The following MYL1 variants were observed in gnomAD, a reference collection of about 807,000 sequenced individuals.
MYL1 encodes the protein myosin light chain 1/3, skeletal muscle isoform.
Under a neutral mutation model 21.8 loss-of-function variants are expected in MYL1, and 16 were observed. The observed-to-expected ratio is 0.74, with a 90% CI of 0.50 to 1.12. The LOEUF is 1.12. Ranked by LOEUF, MYL1 falls within the 50% of genes most tolerant of loss-of-function variation. The pLI, the probability that MYL1 is intolerant of heterozygous loss-of-function variation, is 0.00. For synonymous variants in MYL1, 99 were observed against 85.2 expected (o/e 1.16, Z -0.89); for missense variants, 246 against 241.0 (o/e 1.02, Z -0.14).
intron 1 of MYL1, among the ~76,000 whole-genome samples, chr2:210,305,823 G>A (rs548323449): frequency 6.6e-6 from 1 of 152,068 alleles, no homozygotes; most frequent in Admixed American, 6.6e-5. Context: ...CACTTTGGGA[G>A]GCCGAGGCGG....
intron 1 of MYL1, chr2:210,303,586 G>GT: frequency 6.2e-7 from 1 of 1,609,520 alleles, no homozygotes. Flanking sequence ...AAGCTGAAGA[G>GT]TGAGTTGAGG....
intron 1 of MYL1, chr2:210,303,546 A>G: frequency 6.2e-7 from 1 of 1,611,370 alleles, no homozygotes; most frequent in South Asian, 1.1e-5. Context: ...ACCCACCATG[A>G]TGGAGCGGCT....
chr2:210,298,601 C>T lies in MYL1; in HGVS notation c.161-38G>A. 1.9e-6 allele frequency: 3 copies of T among 1,610,898 alleles called. No homozygotes were observed. In the South Asian group the frequency reaches 3.3e-5, roughly 18 times the overall value. On this transcript the variant is annotated intron_variant, in intron 2 of 6. Transcript: ENST00000352451. The stretch of plus-strand genomic sequence containing the variant: ...AGAAGCATTAGAGTGCTCTTTTCTT[C>T]CTCTAACCTATTAATTAAACCTAAC...
In MYL1 at chr2:210,298,162, C is replaced by T. The variant is rs115307567; in HGVS notation, c.304+258G>A. Among the ~76,000 whole-genome samples the T allele has an allele frequency of 2.6e-3, 389 of 152,046 alleles. 3 individuals carry two copies. The highest frequency in any genetic ancestry group is 8.4e-3 in the African/African-American group (348 of 41,458). Reference sequence around the variant, plus strand: ...TAGATATTAGCATGACATTTTACCACGCTTGCAAATTCTCAAAGGAAGTTT... The same window carrying T: ...TAGATATTAGCATGACATTTTACCATGCTTGCAAATTCTCAAAGGAAGTTT... On this transcript the variant is annotated intron_variant, in intron 3 of 6. Transcript: ENST00000352451.
At chr2:210,307,843 A>T (rs1690359536) in intron 1 of MYL1, among the ~76,000 whole-genome samples, 1 of 152,228 alleles carries the variant, frequency 6.6e-6, no homozygotes, top group African/African-American at 2.4e-5. Context: ...TTGGTGCAAA[A>T]GTAATTGCGG....
intron 5 of MYL1, 29 bp downstream of exon 5, chr2:210,293,694 C>T: frequency 3.1e-6 from 5 of 1,601,944 alleles, no homozygotes; most frequent in Non-Finnish European, 4.3e-6. Context: ...TTAAGAGTTG[C>T]TGTAACCACC....
intron 3 of MYL1, among the ~76,000 whole-genome samples, chr2:210,297,470 G>A (rs886990636): frequency 6.6e-6 from 1 of 150,778 alleles, no homozygotes; most frequent in African/African-American, 2.4e-5. Flanking sequence ...TTCTTTTGAA[G>A]GATGTCTATT....
chr2:210,301,770 C>T (rs1690268645), intron 2 of MYL1, among the ~76,000 whole-genome samples: 1 of 152,114 alleles, frequency 6.6e-6, no homozygotes, highest in Admixed American at 6.6e-5. Context: ...GGAAACTATT[C>T]AGATTCTCTT....
intron 1 of MYL1, among the ~76,000 whole-genome samples, chr2:210,306,882 G>T (rs1010757070): frequency 6.6e-6 from 1 of 151,786 alleles, no homozygotes; most frequent in South Asian, 2.1e-4. Context: ...CTTCCTTGGG[G>T]TTATCATGAT....
intron 2 of MYL1, among the ~76,000 whole-genome samples, chr2:210,300,662 C>T (rs756503060): frequency 6.6e-5 from 10 of 152,126 alleles, no homozygotes; most frequent in Non-Finnish European, 1.2e-4. Context: ...TGCTCTTGAA[C>T]ACTAAAATGT....
At chr2:210,295,358 G>A (rs1402123671) in intron 3 of MYL1, among the ~76,000 whole-genome samples, 2 of 152,116 alleles carry the variant, frequency 1.3e-5, no homozygotes, top group Admixed American at 1.3e-4. Context: ...TTTCAGCCAG[G>A]TGCAGTGGCT....
chr2:210,306,881 G>A (rs1690347835), intron 1 of MYL1, among the ~76,000 whole-genome samples: 1 of 151,494 alleles, frequency 6.6e-6, no homozygotes, highest in Non-Finnish European at 1.5e-5. Flanking sequence ...TCTTCCTTGG[G>A]GTTATCATGA....
intron 3 of MYL1, 49 bp downstream of exon 3, chr2:210,298,361 CACACACTGCT>C: frequency 6.3e-7 from 1 of 1,589,586 alleles, no homozygotes; most frequent in Non-Finnish European, 8.6e-7. Context: ...CACACACACA[CACACACTGCT>C]ACACACTTCC....
At chr2:210,291,984 A>C (rs1485963100) in intron 5 of MYL1, among the ~76,000 whole-genome samples, 1 of 152,156 alleles carries the variant, frequency 6.6e-6, no homozygotes, top group Non-Finnish European at 1.5e-5. Context: ...GCCTGTTTCC[A>C]CACCCTCTCC....
At position 210,308,399 on chromosome 2, in the gene MYL1, AATATATATAT is replaced by A. The variant is rs71043988; in HGVS notation, c.133-5894_133-5885del. On this transcript the variant is annotated intron_variant, in intron 1 of 6. Transcript: ENST00000352451. ...CTTCAACATAGGATATACTTAGGCT[AATATATATAT>A]ATATATATATATATATATATATATA... is the stretch of plus-strand genomic sequence containing the variant. Among the ~76,000 whole-genome samples the A allele has an allele frequency of 2.7e-3, 227 of 84,764 alleles. 5 individuals carry two copies. Among genetic ancestry groups the A allele is most frequent in the Middle Eastern group, 0.011 (2 of 180 alleles). 55.6% of individuals were successfully genotyped at this position (84,764 alleles called of 152,430 possible).
At chr2:210,302,809 GAGAA>G (rs1336554511) in intron 1 of MYL1, 6 of 1,555,400 alleles carry the variant, frequency 3.9e-6, no homozygotes, top group African/African-American at 1.4e-5. Context: ...TGGCGAAGAA[GAGAA>G]AGAAAGAAAA....
chr2:210,299,353 G>C (rs2125740827), intron 2 of MYL1, among the ~76,000 whole-genome samples: 1 of 152,220 alleles, frequency 6.6e-6, no homozygotes, highest in Middle Eastern at 3.4e-3. Flanking sequence ...GATACAGAAA[G>C]ATCTCTTGTA....
chr2:210,313,661 G>A (rs905220561), intron 1 of MYL1, among the ~76,000 whole-genome samples: 8 of 151,390 alleles, frequency 5.3e-5, no homozygotes, highest in African/African-American at 7.3e-5. Context: ...TTAAATATTC[G>A]TGATAATTTA....
chr2:210,303,749 G>A, intron 1 of MYL1: 3 of 521,684 alleles, frequency 5.8e-6, no homozygotes, highest in Non-Finnish European at 9.6e-6. Context: ...GGGAAAGATG[G>A]ATCTGTACCC....
Sources: allele counts gnomAD v4.1 joint callset (sites outside exome capture counted in the v4.1 genomes callset), GRCh38; gene constraint gnomAD v4.1.1; transcripts MANE v1.5; gene names NCBI Gene and HGNC (gene_info 2026-07-23, HGNC 2026-07-21).